The following FASTKD2 variants were observed in gnomAD, a reference collection of about 807,000 sequenced individuals.
FASTKD2 encodes FAST kinase domain-containing protein 2, mitochondrial.
A neutral mutation model predicts 63.6 loss-of-function variants in FASTKD2; 51 were observed. The observed-to-expected ratio is 0.80, with a 90% confidence interval of 0.64 to 1.01. FASTKD2 has a LOEUF of 1.01. FASTKD2 is among the 50% of genes least tolerant of loss of function. The pLI is 0.00. For synonymous variants in FASTKD2, 284 were observed against 293.4 expected (o/e 0.97, Z 0.33); for missense variants, 786 against 831.1 (o/e 0.95, Z 0.67).
Position 206,790,628 on chromosome 2 carries a change from G to C in FASTKD2, c.1955G>C (p.Arg652Thr). 1 of 1,613,592 alleles carries C rather than the reference G, an allele frequency of 6.2e-7. No individual in the cohort carries two copies. The highest frequency in any genetic ancestry group is 8.5e-7 in the Non-Finnish European group (1 of 1,179,540). Reference sequence around the variant, plus strand: ...TATTGTTTGGGTTCAAGCCACCCCAGAGGATTCCTTGCTATGAAAATGCGG... The same window carrying C: ...TATTGTTTGGGTTCAAGCCACCCCACAGGATTCCTTGCTATGAAAATGCGG... ...SAYCLGSSHP[R>T]GFLAMKMRHL... Residue 652 changes from arginine to threonine, a missense_variant, in exon 11 of 12, where the codon AGA becomes ACA. By Grantham distance (71) the Arg-to-Thr change is moderately conservative. Transcript: ENST00000402774.
Position 206,788,854 on chromosome 2 carries a change from G to GTGC in FASTKD2, c.1851_1853dup (p.Leu618dup), listed in dbSNP as rs1574675654. 6.3e-7 allele frequency: 1 copy of GTGC among 1,588,794 alleles called. No homozygotes were observed. Among genetic ancestry groups the GTGC allele is most frequent in the Non-Finnish European group, 8.6e-7 (1 of 1,157,538 alleles). On this transcript the variant is annotated inframe_insertion, in exon 10 of 12. Transcript: ENST00000402774. Reference sequence around the variant, plus strand: ...CAGAATGGACACTAACAGGAATCAAGTGCTACCACTTTCTGATGTGGATAC... The same window carrying GTGC: ...CAGAATGGACACTAACAGGAATCAAGTGCTGCTACCACTTTCTGATGTGGATAC...
At chr2:206,779,606 C>T (rs1324253917) in intron 7 of FASTKD2, among the ~76,000 whole-genome samples, 4 of 152,164 alleles carry the variant, frequency 2.6e-5, no homozygotes, top group African/African-American at 9.6e-5. Flanking sequence ...ATTACGAGAA[C>T]AGCATGGGGG....
chr2:206,788,800 A>T lies in FASTKD2; in HGVS notation c.1814-19A>T. On this transcript the variant is annotated intron_variant, in intron 9 of 11. Coordinates refer to ENST00000402774, the MANE Select transcript of FASTKD2 (RefSeq NM_001136193.2). ...TTGGAGGAATGTTTGAAAAATTAAT[A>T]TCAATTCTTTCCTTTCAGATTTTGA... 7.9e-7 allele frequency: 1 copy of T among 1,272,026 alleles called. No homozygotes were observed. The highest frequency in any genetic ancestry group is 1.1e-6 in the Non-Finnish European group (1 of 870,744). The allele number at this position is 1,272,026 out of a possible 1,614,324, so 78.8% of individuals were successfully genotyped here. A position where few individuals can be genotyped will look rare whatever the true frequency, so the allele number is the denominator to read the frequency against.
In FASTKD2 at chr2:206,795,845, T is replaced by C. The variant is rs1208398816; in HGVS notation, c.*4043T>C. Among the ~76,000 whole-genome samples the C allele has an allele frequency of 6.6e-6, 1 of 152,178 alleles. No individual in the cohort carries two copies. The highest frequency in any genetic ancestry group is 1.5e-5 in the Non-Finnish European group (1 of 68,034). The stretch of plus-strand genomic sequence containing the variant: ...CCATTTTGCTGGTGGGGATTGTGGC[T>C]AAAATAATGTGGCTCTGGAGCCAGC... On this transcript the variant is annotated 3_prime_UTR_variant, in exon 12 of 12. Coordinates refer to ENST00000402774, the MANE Select transcript of FASTKD2 (RefSeq NM_001136193.2).
chr2:206,767,586 T>C, intron 2 of FASTKD2, 116 bp downstream of exon 2: 2 of 807,196 alleles, frequency 2.5e-6, no homozygotes, highest in South Asian at 3.1e-5. Context: ...AATGGTAGTT[T>C]CCTTTATATT....
intron 7 of FASTKD2, among the ~76,000 whole-genome samples, chr2:206,785,471 G>A (rs1690115295): frequency 6.6e-6 from 1 of 152,090 alleles, no homozygotes; most frequent in Non-Finnish European, 1.5e-5. Flanking sequence ...CCAAGTGAAA[G>A]GCCCTCTATA....
rs2105990878 is a variant in FASTKD2 at position 206,792,954 on chromosome 2, G to A, written c.*1152G>A. Among the ~76,000 whole-genome samples the A allele has an allele frequency of 6.6e-6, 1 of 152,250 alleles. No individual in the cohort carries two copies. The highest frequency in any genetic ancestry group is 2.4e-5 in the African/African-American group (1 of 41,554). ...AAATACAAAAACTGGGCTGGGCACG[G>A]TGGCTCGTGCTTGTCATCCCAGCAC... is the stretch of plus-strand genomic sequence containing the variant. On this transcript the variant is annotated 3_prime_UTR_variant, in exon 12 of 12. Transcript: ENST00000402774.
chr2:206,766,591 A>C lies in FASTKD2; in HGVS notation c.-50-53A>C, dbSNP rs866591177. ...TCTGTTAAATGCATTTCATTTCTTT[A>C]AGTAAAAGTTTTGTTTTAATTTTTA... On this transcript the variant is annotated intron_variant, in intron 1 of 11. Coordinates refer to ENST00000402774, the MANE Select transcript of FASTKD2 (RefSeq NM_001136193.2). 5.0e-5 allele frequency: 50 copies of C among 993,580 alleles called. No homozygotes were observed. The Middle Eastern group carries it at 1.4e-3, about 29-fold the overall frequency. The allele number at this position is 993,580 out of a possible 1,614,324, so 61.5% of individuals were successfully genotyped here.
At position 206,774,491 on chromosome 2, in the gene FASTKD2, C is replaced by T. The variant is rs910386976; in HGVS notation, c.1427+94C>T. The T allele has an allele frequency of 7.6e-6, 6 of 793,000 alleles. No individual in the cohort carries two copies. In the Admixed American group the frequency reaches 1.3e-4, roughly 17 times the overall value. The allele number at this position is 793,000 out of a possible 1,614,324, so 49.1% of individuals were successfully genotyped here. On this transcript the variant is annotated intron_variant, in intron 7 of 11. Transcript: ENST00000402774. ...CTTAATGAATTATTACAAGTGAACACACCCATAGTCATCATCCATGCCAAT... is the reference window on the plus strand; with the variant it reads ...CTTAATGAATTATTACAAGTGAACATACCCATAGTCATCATCCATGCCAAT...
chr2:206,772,642 T>A (rs1305259400), intron 6 of FASTKD2, among the ~76,000 whole-genome samples: 3 of 152,212 alleles, frequency 2.0e-5, no homozygotes, highest in Non-Finnish European at 2.9e-5. Context: ...TGTATGATGC[T>A]CTCTTTTCAT....
intron 8 of FASTKD2, among the ~76,000 whole-genome samples, chr2:206,787,256 A>G (rs558831447): frequency 6.6e-6 from 1 of 152,188 alleles, no homozygotes; most frequent in Non-Finnish European, 1.5e-5. Flanking sequence ...TTTGAAGCCA[A>G]CCTAAGTCAA....
In FASTKD2 at chr2:206,786,755, A is replaced by G; in HGVS notation, c.1450A>G (p.Ser484Gly). 3 of 1,614,000 alleles carry G rather than the reference A, an allele frequency of 1.9e-6. No homozygotes were observed. The highest frequency in any genetic ancestry group is 2.5e-6 in the Non-Finnish European group (3 of 1,179,862). ...NKEQFVEVMA[S>G]ALTGYLHTIS... ...CAGACAGTTCGTGGAAGTTATGGCT[A>G]GTGCTCTGACTGGTTATCTTCACAC... Residue 484 changes from serine (S) to glycine (G), a missense_variant, in exon 8 of 12, where the codon AGT becomes GGT. By Grantham distance (56) the Ser-to-Gly change is moderately conservative. Transcript: ENST00000402774.
rs1295087024 is a variant in FASTKD2, at chr2:206,792,897, G to A, written c.*1095G>A. 6.6e-6 allele frequency among the ~76,000 whole-genome samples: 1 copy of A among 152,138 alleles called. No individual in the cohort carries two copies. Among genetic ancestry groups the A allele is most frequent in the Non-Finnish European group, 1.5e-5 (1 of 68,018 alleles). On this transcript the variant is annotated 3_prime_UTR_variant, in exon 12 of 12. Transcript: ENST00000402774. The stretch of plus-strand genomic sequence containing the variant: ...CTACACAGAGTAGGGGAGGGCTGGA[G>A]TTTGAATGTGAGCTAACATAGGCTT...
Position 206,793,365 on chromosome 2 carries a change from C to A in FASTKD2, c.*1563C>A, listed in dbSNP as rs1219059865. ...TTTAGTGATTATTTAATTGTTACTT[C>A]CCTCATTTTATGGACGAGGAAGATA... On this transcript the variant is annotated 3_prime_UTR_variant, in exon 12 of 12. Transcript: ENST00000402774. Among the ~76,000 whole-genome samples, 2 of 151,956 alleles carry A rather than the reference C, an allele frequency of 1.3e-5. No homozygotes were observed. The highest frequency in any genetic ancestry group is 2.9e-5 in the Non-Finnish European group (2 of 68,016).
In FASTKD2 at chr2:206,770,072, T is replaced by C; in HGVS notation, c.778-19T>C. 6.6e-7 allele frequency: 1 copy of C among 1,508,916 alleles called. No homozygotes were observed. Among genetic ancestry groups the C allele is most frequent in the Non-Finnish European group, 9.2e-7 (1 of 1,084,184 alleles). The allele number at this position is 1,508,916 out of a possible 1,614,324, so 93.5% of individuals were successfully genotyped here. A position where few individuals can be genotyped will look rare whatever the true frequency, so the allele number is the denominator to read the frequency against. ...ATGGGCTCATCACCTGTAGTGTTTT[T>C]GTAATTATATTTCAATAGGAACGTA... On this transcript the variant is annotated intron_variant, in intron 2 of 11. Coordinates refer to ENST00000402774, the MANE Select transcript of FASTKD2 (RefSeq NM_001136193.2).
At chr2:206,787,112 A>G (rs1338383977) in intron 8 of FASTKD2, among the ~76,000 whole-genome samples, 3 of 152,194 alleles carry the variant, frequency 2.0e-5, no homozygotes, top group African/African-American at 7.2e-5. Flanking sequence ...CAAGTCCTAC[A>G]TGTAGAAAAA....
chr2:206,779,734 T>A lies in FASTKD2; in HGVS notation c.1427+5337T>A, dbSNP rs1689918864. Among the ~76,000 whole-genome samples, 3 of 152,222 alleles carry A rather than the reference T, an allele frequency of 2.0e-5. No individual in the cohort carries two copies. In the South Asian group the frequency reaches 6.2e-4, roughly 31 times the overall value. ...AGCCAAACCATATCAGGGAGTTTAA[T>A]CCACTTAATGTTTAGAGTAATTATT... On this transcript the variant is annotated intron_variant, in intron 7 of 11. Transcript: ENST00000402774.
At chr2:206,788,223 A>G (rs1256464216) in intron 9 of FASTKD2, 68 bp downstream of exon 9, 4 of 1,149,684 alleles carry the variant, frequency 3.5e-6, no homozygotes, top group South Asian at 2.7e-5. Context: ...GACCAAAAAA[A>G]TAGGTATTTG....
At chr2:206,769,508 TAAGTA>T (rs776554334) in intron 2 of FASTKD2, among the ~76,000 whole-genome samples, 2 of 152,192 alleles carry the variant, frequency 1.3e-5, no homozygotes, top group Non-Finnish European at 2.9e-5. Flanking sequence ...CTTAGTACCC[TAAGTA>T]AAGGGACCTG....
Sources: allele counts gnomAD v4.1 joint callset (sites outside exome capture counted in the v4.1 genomes callset), GRCh38; gene constraint gnomAD v4.1.1; transcripts MANE v1.5; gene names NCBI Gene and HGNC (gene_info 2026-07-23, HGNC 2026-07-21).